CALN1: variants seen among roughly 807,000 people sequenced by gnomAD.
The protein encoded by CALN1 is calneuron 1.
CALN1 carries 17 observed loss-of-function variants against 30.6 expected under a neutral mutation model. The ratio of observed to expected loss-of-function variants is 0.56; its 90% confidence interval spans 0.38 to 0.83. CALN1 has a LOEUF of 0.83. CALN1 is among the 40% of genes least tolerant of loss of function. The probability of loss-of-function intolerance (pLI) is 0.00; values close to 1 mark genes in which losing one functional copy is unlikely to be tolerated. For synonymous variants in CALN1, 156 were observed against 131.4 expected (o/e 1.19, Z -1.28); for missense variants, 291 against 354.9 (o/e 0.82, Z 1.45).
At chr7:71,788,478 GT>G (rs71092906) in intron 6 of CALN1, among the ~76,000 whole-genome samples, 4,887 of 141,828 alleles carry the variant, frequency 0.034, 143 homozygotes, top group Non-Finnish European at 0.054. Context: ...TTACTAAGAG[GT>G]TTTTTTTTGT....
intron 3 of CALN1, among the ~76,000 whole-genome samples, chr7:72,259,564 T>C (rs779189612): frequency 6.6e-6 from 1 of 152,136 alleles, no homozygotes; most frequent in Non-Finnish European, 1.5e-5. Context: ...TGGAGTCTGA[T>C]TAAGCTAAGC....
At position 71,812,923 on chromosome 7, in the gene CALN1, C is replaced by CATTATTATTATT. The variant is rs374759683; in HGVS notation, c.502-2432_502-2431insAATAATAATAAT. Among the ~76,000 whole-genome samples, 20 of 81,970 alleles carry CATTATTATTATT rather than the reference C, an allele frequency of 2.4e-4. No homozygotes were observed. In the East Asian group the frequency reaches 3.2e-3, roughly 13 times the overall value. 53.8% of individuals were successfully genotyped at this position (81,970 alleles called of 152,430 possible). On this transcript the variant is annotated intron_variant, in intron 5 of 6. Transcript: ENST00000395275. ...CATGTCCAGCTATTTTATTTATCAT[C>CATTATTATTATT]ATCATCATTATTATTATTATTATTA...
chr7:72,275,720 G>A (rs943520694), intron 3 of CALN1, among the ~76,000 whole-genome samples: 1 of 152,166 alleles, frequency 6.6e-6, no homozygotes, highest in African/African-American at 2.4e-5. Flanking sequence ...CCTGGGCTTG[G>A]AGGGCTCTTA....
At chr7:71,870,707 T>C (rs912296787) in intron 5 of CALN1, among the ~76,000 whole-genome samples, 10 of 152,188 alleles carry the variant, frequency 6.6e-5, no homozygotes, top group African/African-American at 2.2e-4. Context: ...CCGAGATCAA[T>C]AGAAACGTAC....
chr7:72,065,107 A>G (rs1304986839), intron 4 of CALN1, among the ~76,000 whole-genome samples: 1 of 147,870 alleles, frequency 6.8e-6, no homozygotes, highest in Admixed American at 6.8e-5. Context: ...TGTAAAATAT[A>G]TTTATGTTAA....
At chr7:71,826,917 C>T (rs6958717) in intron 5 of CALN1, among the ~76,000 whole-genome samples, 18 of 152,234 alleles carry the variant, frequency 1.2e-4, no homozygotes, top group African/African-American at 3.6e-4. Context: ...TGCTATGGTG[C>T]CTGGAGATGT....
chr7:72,243,579 T>G (rs140825086), intron 3 of CALN1, among the ~76,000 whole-genome samples: 2 of 152,212 alleles, frequency 1.3e-5, no homozygotes, highest in East Asian at 1.9e-4. Context: ...GAAGAGCACA[T>G]GAACCAGCGC....
chr7:72,298,254 G>C (rs1342730695), intron 2 of CALN1, among the ~76,000 whole-genome samples: 2 of 152,138 alleles, frequency 1.3e-5, no homozygotes, highest in Non-Finnish European at 2.9e-5. Flanking sequence ...ATTTGTGTTT[G>C]ACAATTCACT....
intron 3 of CALN1, among the ~76,000 whole-genome samples, chr7:72,210,301 G>C (rs1425584148): frequency 6.6e-6 from 1 of 152,054 alleles, no homozygotes; most frequent in South Asian, 2.1e-4. Flanking sequence ...TCCATCCCTC[G>C]GGAGTGTTGG....
intron 5 of CALN1, among the ~76,000 whole-genome samples, chr7:71,907,280 G>T (rs910753172): frequency 7.1e-6 from 1 of 141,250 alleles, no homozygotes; most frequent in African/African-American, 3.0e-5. Context: ...CTTAAGGAAG[G>T]CTTGATGTGT....
chr7:72,362,428 T>G (rs1225411102), intron 2 of CALN1, among the ~76,000 whole-genome samples: 4 of 152,260 alleles, frequency 2.6e-5, no homozygotes, highest in African/African-American at 9.6e-5. Context: ...CTCTACCAGC[T>G]TCTCTGGTGG....
intron 6 of CALN1, among the ~76,000 whole-genome samples, chr7:71,791,572 G>A (rs1793388155): frequency 6.6e-6 from 1 of 152,146 alleles, no homozygotes; most frequent in African/African-American, 2.4e-5. Flanking sequence ...TAGGAGGAGG[G>A]AGACGAGCAG....
chr7:72,219,599 A>G (rs1429435610), intron 3 of CALN1, among the ~76,000 whole-genome samples: 1 of 152,062 alleles, frequency 6.6e-6, no homozygotes, highest in African/African-American at 2.4e-5. Flanking sequence ...GTACTCCTTG[A>G]TACAATTTCC....
At chr7:71,948,615 T>C (rs113054046) in intron 5 of CALN1, among the ~76,000 whole-genome samples, 1 of 150,968 alleles carries the variant, frequency 6.6e-6, no homozygotes, top group Non-Finnish European at 1.5e-5. Flanking sequence ...CCTGTAATCC[T>C]AGCTACTTGG....
chr7:72,014,236 G>A lies in CALN1; in HGVS notation c.501+9421C>T, dbSNP rs192088367. Reference sequence around the variant, plus strand: ...CAGGTAGCTGGGACTACAGATGTGCGCCACCACGCCCAGCTAATTTTTGTA... The same window carrying A: ...CAGGTAGCTGGGACTACAGATGTGCACCACCACGCCCAGCTAATTTTTGTA... On this transcript the variant is annotated intron_variant, in intron 5 of 6. Transcript: ENST00000395275. Among the ~76,000 whole-genome samples the A allele has an allele frequency of 1.5e-3, 228 of 151,902 alleles. 1 individual carries two copies. The highest frequency in any genetic ancestry group is 4.8e-3 in the African/African-American group (200 of 41,432).
At chr7:72,334,839 A>G (rs1257207855) in intron 2 of CALN1, among the ~76,000 whole-genome samples, 1 of 152,248 alleles carries the variant, frequency 6.6e-6, no homozygotes, top group African/African-American at 2.4e-5. Flanking sequence ...ACAGCTTCTC[A>G]GTAAACAGCT....
intron 3 of CALN1, among the ~76,000 whole-genome samples, chr7:72,255,294 C>T (rs2428281): frequency 0.014 from 2,096 of 151,922 alleles, 47 homozygotes; most frequent in African/African-American, 0.048. Flanking sequence ...GGTTTCACCA[C>T]GTTAGCCAAG....
At chr7:72,499,826 C>CTTT in the CALN1 span, among the ~76,000 whole-genome samples, 1 of 53,298 alleles carries the variant, frequency 1.9e-5, no homozygotes. Context: ...TCCTTCCTTC[C>CTTT]TTCTTTCTTT....
chr7:71,976,666 A>G (rs779436640), intron 5 of CALN1, among the ~76,000 whole-genome samples: 1 of 152,226 alleles, frequency 6.6e-6, no homozygotes, highest in African/African-American at 2.4e-5. Flanking sequence ...CTGTGCCCCC[A>G]AAGAGTTAAA....
Sources: gnomAD v4.1 joint callset for allele counts (sites outside exome capture counted in the v4.1 genomes callset) on GRCh38, gnomAD v4.1.1 for gene constraint, MANE v1.5 for transcripts, NCBI Gene and HGNC (gene_info 2026-07-23, HGNC 2026-07-21) for gene names.